Variants in GINM1 observed in about 807,000 individuals in gnomAD.
GINM1 encodes glycosylated integral membrane protein 1, also known as glycoprotein integral membrane protein 1.
Under a neutral mutation model 37.8 loss-of-function variants are expected in GINM1, and 29 were observed. The ratio of observed to expected loss-of-function variants is 0.77; its 90% CI spans 0.57 to 1.05. The LOEUF is 1.05. Among genes scored for constraint, GINM1 ranks in the 50% least tolerant of loss-of-function variants. The pLI, the probability that GINM1 is intolerant of heterozygous loss-of-function variation, is 0.00. For missense variants in GINM1, 377 were observed against 397.9 expected, an observed-to-expected ratio of 0.95 and a Z score of 0.45; for synonymous variants, 143 against 146.2, an observed-to-expected ratio of 0.98 and a Z score of 0.16.
Position 149,578,807 on chromosome 6 carries a change from CTTTTTT to C in GINM1, c.278-10_278-5del. On this transcript the variant is annotated splice_polypyrimidine_tract_variant and intron_variant, in intron 3 of 7. Transcript: ENST00000367419. Reference sequence around the variant, plus strand: ...TAATCTTTGTTCAAAGGTGTCACTACTTTTTTTTTTATAGTGAAGAATGAAAATCTT... The same window carrying C: ...TAATCTTTGTTCAAAGGTGTCACTACTTTTATAGTGAAGAATGAAAATCTT... The C allele has an allele frequency of 7.9e-7, 1 of 1,263,260 alleles. No individual in the cohort carries two copies. The highest frequency in any genetic ancestry group is 1.1e-6 in the Non-Finnish European group (1 of 920,958). The allele number at this position is 1,263,260 out of a possible 1,614,324, so 78.3% of individuals were successfully genotyped here. A position where few individuals can be genotyped will look rare whatever the true frequency, so the allele number is the denominator to read the frequency against.
chr6:149,589,625 C>T (rs1778123468), intron 7 of GINM1, among the ~76,000 whole-genome samples: 1 of 152,106 alleles, frequency 6.6e-6, no homozygotes. Context: ...CTAGAGTTCT[C>T]ATTTTGTTTC....
chr6:149,590,239 A>G lies in GINM1; in HGVS notation c.882-488A>G, dbSNP rs542437780. 3.5e-4 allele frequency among the ~76,000 whole-genome samples: 53 copies of G among 152,296 alleles called. 1 individual carries two copies. The South Asian group carries it at 1.0e-2, about 29-fold the overall frequency. ...AACTTTAGAATCTGTTTGGTTCTAT[A>G]AACAACTAACCCCCGTTGATGTTCT... On this transcript the variant is annotated intron_variant, in intron 7 of 7. Coordinates refer to ENST00000367419, the MANE Select transcript of GINM1 (RefSeq NM_138785.5).
rs374116569 is a variant in GINM1, at chr6:149,585,631, C to T, written c.881+3028C>T. On this transcript the variant is annotated intron_variant, in intron 7 of 7. Transcript: ENST00000367419. ...ATTTTGAGACAGAGTCTCACTCTGT[C>T]GCCCAGGCTGAAGTGCAGTGGCACA... 1.2e-4 allele frequency among the ~76,000 whole-genome samples: 19 copies of T among 152,010 alleles called. No homozygotes were observed. In the South Asian group the frequency reaches 2.9e-3, roughly 23 times the overall value.
intron 7 of GINM1, among the ~76,000 whole-genome samples, chr6:149,585,043 A>G (rs1778048925): frequency 6.6e-6 from 1 of 152,038 alleles, no homozygotes; most frequent in Admixed American, 6.6e-5. Context: ...GGGATGCTTG[A>G]CCTGTAATAA....
chr6:149,578,896 G>A lies in GINM1; in HGVS notation c.352G>A (p.Glu118Lys). 3.1e-6 allele frequency: 5 copies of A among 1,602,360 alleles called. No homozygotes were observed. The highest frequency in any genetic ancestry group is 4.3e-6 in the Non-Finnish European group (5 of 1,170,018). The part of the protein sequence containing the change: ...GIVSVRILVH[E>K]WPMTSGSSLQ... ...TGTCAGTGTAAGGATTTTAGTTCAT[G>A]AGTGGCCTATGACATCTGGTTCCAG... The change falls in exon 4 of 8, where the codon GAG becomes AAG. Residue 118 changes from glutamate (E) to lysine (K), a missense_variant. Physicochemically the swap from Glu to Lys is moderately conservative, Grantham distance 56. Coordinates refer to ENST00000367419, the MANE Select transcript of GINM1 (RefSeq NM_138785.5).
intron 2 of GINM1, 42 bp downstream of exon 2, chr6:149,572,386 T>G (rs764510734): frequency 3.6e-6 from 5 of 1,385,476 alleles, no homozygotes; most frequent in Non-Finnish European, 5.0e-6. Flanking sequence ...TTTAGCTAAG[T>G]GCTATGCAGC....
At chr6:149,582,919 G>C (rs1221637372) in intron 7 of GINM1, among the ~76,000 whole-genome samples, 1 of 152,146 alleles carries the variant, frequency 6.6e-6, no homozygotes, top group African/African-American at 2.4e-5. Flanking sequence ...TATGATCAGA[G>C]GTGAACAAAA....
chr6:149,566,486 G>A lies in GINM1; in HGVS notation c.72G>A (p.Trp24Ter), dbSNP rs755411796. The change falls in exon 1 of 8, where the codon TGG becomes TGA. Residue 24 changes from tryptophan to a stop codon, truncating the protein, a stop_gained. Coordinates refer to ENST00000367419, the MANE Select transcript of GINM1 (RefSeq NM_138785.5). LOFTEE classifies it high-confidence loss of function. This position sits in a 1 kb window ranked among gnomAD's most constrained non-coding sequence, Gnocchi z 4.4. The part of the protein sequence containing the change: ...LLFVALPASG[W>*]LTTGAPEPPP... ...TCGTGGCGCTACCCGCCTCCGGCTGGCTGACGACGGGCGCCCCCGAGCCGC... is the reference window on the plus strand; with the variant it reads ...TCGTGGCGCTACCCGCCTCCGGCTGACTGACGACGGGCGCCCCCGAGCCGC... The A allele has an allele frequency of 6.5e-7, 1 of 1,549,390 alleles. No individual in the cohort carries two copies. Among genetic ancestry groups the A allele is most frequent in the East Asian group, 2.4e-5 (1 of 40,836 alleles).
At position 149,580,563 on chromosome 6, in the gene GINM1, T is replaced by A. The variant is rs371973973; in HGVS notation, c.587-30T>A. On this transcript the variant is annotated intron_variant, in intron 5 of 7. Transcript: ENST00000367419. ...GACTAGTAGGATAAGACACCAGCAT[T>A]TTGGTAACGTTGCTCTTTCTCCTGG... The A allele has an allele frequency of 3.8e-5, 61 of 1,591,536 alleles. No homozygotes were observed. In the African/African-American group the frequency reaches 8.2e-4, roughly 21 times the overall value.
At chr6:149,579,596 G>A (rs960224844) in intron 4 of GINM1, among the ~76,000 whole-genome samples, 2 of 151,990 alleles carry the variant, frequency 1.3e-5, no homozygotes, top group African/African-American at 4.8e-5. Context: ...GGAGGCTGAG[G>A]CAGGAGAATC....
At position 149,572,267 on chromosome 6, in the gene GINM1, A is replaced by T. The variant is rs1396010023; in HGVS notation, c.121-18A>T. The T allele has an allele frequency of 6.5e-7, 1 of 1,540,638 alleles. No homozygotes were observed. ...GTGAGATGCACACCTTCCAATTTAC[A>T]CAATACTTGTTTTACAGGACGGCAT... On this transcript the variant is annotated intron_variant, in intron 1 of 7. Transcript: ENST00000367419.
At chr6:149,587,102 A>G (rs1218666274) in intron 7 of GINM1, among the ~76,000 whole-genome samples, 2 of 152,240 alleles carry the variant, frequency 1.3e-5, no homozygotes, top group East Asian at 1.9e-4. Context: ...TTTAACTGAC[A>G]TGTCATAATT....
At chr6:149,567,968 T>C (rs1183816962) in intron 1 of GINM1, among the ~76,000 whole-genome samples, 1 of 152,274 alleles carries the variant, frequency 6.6e-6, no homozygotes, top group African/African-American at 2.4e-5. Context: ...GATGTTTACG[T>C]CTATATAATC....
intron 7 of GINM1, among the ~76,000 whole-genome samples, chr6:149,587,903 A>G (rs765537630): frequency 4.7e-4 from 72 of 152,200 alleles, no homozygotes; most frequent in Admixed American, 9.2e-4. Context: ...ATCAGTCATC[A>G]TTAGCATCCA....
chr6:149,574,344 G>A (rs1777881562), intron 3 of GINM1, among the ~76,000 whole-genome samples: 1 of 152,148 alleles, frequency 6.6e-6, no homozygotes, highest in South Asian at 2.1e-4. Flanking sequence ...GAGCCACCGT[G>A]CCCGGCCCAC....
Position 149,578,928 on chromosome 6 carries a change from A to G in GINM1, c.384A>G (p.Gln128=), listed in dbSNP as rs1235437943. ...CTATGACATCTGGTTCCAGTTTGCA[A>G]CTAATTGTCATTCAAGAAGAGGTAG... ...EWPMTSGSSL[Q]LIVIQEEVVE... is the part of the protein sequence containing the mutation. The change falls in exon 4 of 8, where the codon CAA becomes CAG. Residue 128 remains glutamine (Q), a synonymous_variant. Transcript: ENST00000367419. 3 of 1,606,022 alleles carry G rather than the reference A, an allele frequency of 1.9e-6. No individual in the cohort carries two copies. The highest frequency in any genetic ancestry group is 2.6e-6 in the Non-Finnish European group (3 of 1,173,460).
intron 1 of GINM1, among the ~76,000 whole-genome samples, chr6:149,569,675 T>C (rs1053923813): frequency 6.6e-6 from 1 of 152,186 alleles, no homozygotes; most frequent in Non-Finnish European, 1.5e-5. Flanking sequence ...CTTCTAATAC[T>C]AAAATAACTT....
At chr6:149,579,682 C>T (rs550775955) in intron 4 of GINM1, 152 bp from the exon 5 acceptor site, 22 of 503,936 alleles carry the variant, frequency 4.4e-5, no homozygotes, top group African/African-American at 3.2e-4. Flanking sequence ...ACAACAAGAG[C>T]GAAACTCCAT....
At chr6:149,580,808 C>A (rs1777988741) in intron 6 of GINM1, 85 bp downstream of exon 6, 1 of 1,223,190 alleles carries the variant, frequency 8.2e-7, no homozygotes, top group Non-Finnish European at 1.2e-6. Context: ...GAGTGGAAAT[C>A]CTGAAGAATG....
Sources: gnomAD v4.1 joint callset for allele counts (sites outside exome capture counted in the v4.1 genomes callset) on GRCh38, gnomAD v4.1.1 for gene constraint, Gnocchi (gnomAD v3.1) non-coding constraint, MANE v1.5 for transcripts, NCBI Gene and HGNC (gene_info 2026-07-23, HGNC 2026-07-21) for gene names.